The following BLTP3A variants were observed in gnomAD, a reference collection of about 807,000 sequenced individuals.
BLTP3A encodes the protein bridge-like lipid transfer protein family member 3A.
chr6:34,819,523 C>T, the BLTP3A span, among the ~76,000 whole-genome samples: 1 of 152,142 alleles, frequency 6.6e-6, no homozygotes, highest in Non-Finnish European at 1.5e-5. Flanking sequence ...ATGGCCAAGA[C>T]TAAGCCCCTT....
the BLTP3A span, chr6:34,834,548 T>C: frequency 4.4e-6 from 6 of 1,362,394 alleles, no homozygotes; most frequent in Non-Finnish European, 6.0e-6. Context: ...TGTCCAGTGT[T>C]ACTGCTACAT....
chr6:34,795,107 C>A, the BLTP3A span, among the ~76,000 whole-genome samples: 1 of 150,672 alleles, frequency 6.6e-6, no homozygotes, highest in African/African-American at 2.4e-5. Context: ...TTTTTAGAGA[C>A]GGAATCTTGC....
At chr6:34,870,431 T>G in the BLTP3A span, among the ~76,000 whole-genome samples, 1 of 152,198 alleles carries the variant, frequency 6.6e-6, no homozygotes, top group Non-Finnish European at 1.5e-5. Context: ...TTGGAGAGAT[T>G]AGCATAGATC....
chr6:34,848,974 C>T, the BLTP3A span, among the ~76,000 whole-genome samples: 13 of 103,128 alleles, frequency 1.3e-4, no homozygotes, highest in African/African-American at 4.0e-4. Flanking sequence ...TTTTTTGGTG[C>T]GTCTGTGGTA....
At chr6:34,836,034 T>G in the BLTP3A span, 3 of 1,276,714 alleles carry the variant, frequency 2.3e-6, no homozygotes, top group Non-Finnish European at 3.2e-6. Flanking sequence ...CCAACAGTTG[T>G]GAGAGGGAAG....
At chr6:34,842,967 T>C in the BLTP3A span, among the ~76,000 whole-genome samples, 1 of 152,170 alleles carries the variant, frequency 6.6e-6, no homozygotes, top group African/African-American at 2.4e-5. Context: ...TAAATAAAAA[T>C]AGTTTATTTT....
At chr6:34,848,148 T>C in the BLTP3A span, among the ~76,000 whole-genome samples, 1 of 150,508 alleles carries the variant, frequency 6.6e-6, no homozygotes, top group Non-Finnish European at 1.5e-5. Flanking sequence ...CTTGAACTCC[T>C]GGACTCAAGG....
At chr6:34,793,059 T>G in the BLTP3A span, among the ~76,000 whole-genome samples, 1 of 152,026 alleles carries the variant, frequency 6.6e-6, no homozygotes, top group African/African-American at 2.4e-5. Context: ...GATGTGGAGG[T>G]TTTTTTGACA....
the BLTP3A span, among the ~76,000 whole-genome samples, chr6:34,847,441 T>C: frequency 6.6e-6 from 1 of 152,194 alleles, no homozygotes; most frequent in Admixed American, 6.5e-5. Context: ...GTCCTGGGCT[T>C]TTCTTTGCTG....
the BLTP3A span, among the ~76,000 whole-genome samples, chr6:34,799,343 A>C: frequency 6.6e-6 from 1 of 152,058 alleles, no homozygotes. Flanking sequence ...AAATTTAAAT[A>C]GCCAGGCATG....
the BLTP3A span, chr6:34,858,567 C>T: frequency 6.2e-7 from 1 of 1,614,194 alleles, no homozygotes; most frequent in Non-Finnish European, 8.5e-7. Flanking sequence ...GGCAGCAAGC[C>T]CAGGCACGGA....
the BLTP3A span, among the ~76,000 whole-genome samples, chr6:34,798,258 A>G: frequency 6.6e-6 from 1 of 152,148 alleles, no homozygotes; most frequent in Non-Finnish European, 1.5e-5. Flanking sequence ...GCATTTCATT[A>G]TGTGATAATA....
the BLTP3A span, chr6:34,855,776 C>A: frequency 1.2e-6 from 2 of 1,600,676 alleles, no homozygotes; most frequent in East Asian, 2.2e-5. Context: ...GGATTCATCC[C>A]TGACCGCTTA....
the BLTP3A span, among the ~76,000 whole-genome samples, chr6:34,853,654 G>T: frequency 1.9e-3 from 295 of 151,900 alleles, 5 homozygotes; most frequent in East Asian, 3.9e-4. Flanking sequence ...TCTGCCTCCC[G>T]GGTTCAAGGG....
the BLTP3A span, among the ~76,000 whole-genome samples, chr6:34,856,071 C>T: frequency 1.3e-5 from 2 of 152,130 alleles, no homozygotes; most frequent in African/African-American, 2.4e-5. Context: ...ACATATGGAA[C>T]CCAGAAGAAT....
chr6:34,848,393 G>A, the BLTP3A span, among the ~76,000 whole-genome samples: 1 of 152,072 alleles, frequency 6.6e-6, no homozygotes, highest in South Asian at 2.1e-4. Context: ...ATTACTTGAG[G>A]TCAGGAGTTC....
chr6:34,807,220 A>G, the BLTP3A span, among the ~76,000 whole-genome samples: 1 of 152,214 alleles, frequency 6.6e-6, no homozygotes, highest in Admixed American at 6.5e-5. Flanking sequence ...AAAGTGAGAC[A>G]TGCCAATACA....
At chr6:34,840,904 G>A in the BLTP3A span, among the ~76,000 whole-genome samples, 3 of 152,086 alleles carry the variant, frequency 2.0e-5, no homozygotes, top group African/African-American at 4.8e-5. Context: ...GAGCCACCAC[G>A]CCAGGCTAAT....
chr6:34,866,407 A>AAAAAG, the BLTP3A span, among the ~76,000 whole-genome samples: 73 of 152,258 alleles, frequency 4.8e-4, 1 homozygote, highest in Admixed American at 7.2e-4. Flanking sequence ...CCATCTCAAA[A>AAAAAG]AAAAGAAAAA....
Sources: allele counts gnomAD v4.1 joint callset (sites outside exome capture counted in the v4.1 genomes callset), GRCh38; gene constraint gnomAD v4.1.1; transcripts MANE v1.5; gene names NCBI Gene and HGNC (gene_info 2026-07-23, HGNC 2026-07-21).